Variants in EDIL3 observed in about 807,000 individuals in gnomAD.
EDIL3 encodes the protein EGF like and discoidin domains 3.
In EDIL3, 37 loss-of-function variants were observed where a neutral mutation model predicts 67.4. The observed-to-expected ratio is 0.55, with a 90% CI of 0.42 to 0.72. EDIL3 has a LOEUF of 0.72. Ranked by LOEUF, EDIL3 falls within the 30% of genes least tolerant of loss-of-function variation. The pLI is 0.00. For synonymous variants in EDIL3, 195 were observed against 196.3 expected (o/e 0.99, Z 0.05); for missense variants, 527 against 586.3 (o/e 0.90, Z 1.04).
intron 4 of EDIL3, among the ~76,000 whole-genome samples, chr5:84,157,743 T>TGGTCAAG (rs1748518906): frequency 1.4e-5 from 2 of 144,130 alleles, no homozygotes; most frequent in African/African-American, 5.1e-5. Context: ...AGAAGAAGAT[T>TGGTCAAG]TTTAATCTCT....
At chr5:84,324,995 ATATTTTCCAT>A (rs1212132407) in intron 1 of EDIL3, among the ~76,000 whole-genome samples, 4 of 151,812 alleles carry the variant, frequency 2.6e-5, no homozygotes, top group Non-Finnish European at 4.4e-5. Flanking sequence ...ACTAATACAA[ATATTTTCCAT>A]TATTTTCCAA....
chr5:84,186,787 C>T (rs1028318400), intron 3 of EDIL3, among the ~76,000 whole-genome samples: 1 of 151,918 alleles, frequency 6.6e-6, no homozygotes, highest in South Asian at 2.1e-4. Context: ...AGTTTAATAG[C>T]AGATCAAAGT....
Position 84,090,110 on chromosome 5 carries a change from G to A in EDIL3, c.651+16539C>T, listed in dbSNP as rs540150707. On this transcript the variant is annotated intron_variant, in intron 6 of 10. Transcript: ENST00000296591. Reference sequence around the variant, plus strand: ...ACTTAATTATTGAAGGCCTCATGTTGTAGGCAAAAATCCAATCCCTTGGAA... The same window carrying A: ...ACTTAATTATTGAAGGCCTCATGTTATAGGCAAAAATCCAATCCCTTGGAA... Among the ~76,000 whole-genome samples the A allele has an allele frequency of 9.2e-5, 14 of 152,212 alleles. No individual in the cohort carries two copies. In the South Asian group the frequency reaches 2.9e-3, roughly 32 times the overall value.
At chr5:83,968,182 A>G (rs1744729422) in intron 9 of EDIL3, among the ~76,000 whole-genome samples, 1 of 152,070 alleles carries the variant, frequency 6.6e-6, no homozygotes, top group Non-Finnish European at 1.5e-5. Context: ...GATGTTGGCT[A>G]CACTTGTAGT....
At chr5:84,175,668 C>T (rs1176734394) in intron 4 of EDIL3, among the ~76,000 whole-genome samples, 1 of 152,172 alleles carries the variant, frequency 6.6e-6, no homozygotes, top group Non-Finnish European at 1.5e-5. Flanking sequence ...GACGCTTCAT[C>T]AACTTACCAA....
chr5:83,941,749 TAGAA>T lies in EDIL3; in HGVS notation c.*1666_*1669del, dbSNP rs1444325258. On this transcript the variant is annotated 3_prime_UTR_variant, in exon 11 of 11. Transcript: ENST00000296591. ...ATAATTTCATAATAAGAACAAGAAG[TAGAA>T]AGCATATGGGCAAGGAACAAATATG... 1 of 151,990 alleles carries T rather than the reference TAGAA, an allele frequency of 6.6e-6. No individual in the cohort carries two copies. The highest frequency in any genetic ancestry group is 1.5e-5 in the Non-Finnish European group (1 of 67,900). 9.4% of individuals were successfully genotyped at this position (151,990 alleles called of 1,614,324 possible).
At chr5:83,954,358 G>C (rs1045325844) in intron 10 of EDIL3, among the ~76,000 whole-genome samples, 12 of 151,828 alleles carry the variant, frequency 7.9e-5, no homozygotes, top group African/African-American at 2.4e-4. Context: ...TGTAGCCTAG[G>C]GGGAGGTGCT....
At chr5:84,249,229 A>G (rs1744972268) in intron 2 of EDIL3, among the ~76,000 whole-genome samples, 1 of 152,086 alleles carries the variant, frequency 6.6e-6, no homozygotes, top group Non-Finnish European at 1.5e-5. Context: ...TTTAGTCTGC[A>G]ATAGATTGAA....
At chr5:84,196,573 G>C (rs1743710339) in intron 3 of EDIL3, among the ~76,000 whole-genome samples, 1 of 151,952 alleles carries the variant, frequency 6.6e-6, no homozygotes, top group Non-Finnish European at 1.5e-5. Context: ...TCCCCTGTTA[G>C]AATGTAATTG....
At chr5:84,027,332 G>A (rs904105078) in intron 9 of EDIL3, among the ~76,000 whole-genome samples, 3 of 152,150 alleles carry the variant, frequency 2.0e-5, no homozygotes, top group Non-Finnish European at 4.4e-5. Flanking sequence ...AATCTGTGGT[G>A]CATCACAAGT....
chr5:83,955,424 A>G (rs1233209531), intron 10 of EDIL3, among the ~76,000 whole-genome samples: 1 of 97,108 alleles, frequency 1.0e-5, no homozygotes, highest in Non-Finnish European at 2.2e-5. Context: ...TTTTTGCAGA[A>G]ACGTGCTAAC....
At chr5:84,377,255 G>A (rs1486152776) in intron 1 of EDIL3, among the ~76,000 whole-genome samples, 1 of 150,806 alleles carries the variant, frequency 6.6e-6, no homozygotes, top group African/African-American at 2.5e-5. Flanking sequence ...GGAGCTTGCA[G>A]TGAGTTGAGA....
chr5:84,096,783 C>T (rs1447958844), intron 6 of EDIL3, among the ~76,000 whole-genome samples: 1 of 152,182 alleles, frequency 6.6e-6, no homozygotes, highest in Non-Finnish European at 1.5e-5. Context: ...CCATCCAAAT[C>T]TCATCTTGTA....
chr5:84,247,500 C>A (rs1302228891), intron 2 of EDIL3, among the ~76,000 whole-genome samples: 1 of 152,078 alleles, frequency 6.6e-6, no homozygotes, highest in Non-Finnish European at 1.5e-5. Context: ...GTACAGTCAA[C>A]TTCTAGTTTT....
At chr5:84,108,739 T>A (rs1487579274) in intron 5 of EDIL3, among the ~76,000 whole-genome samples, 1 of 152,134 alleles carries the variant, frequency 6.6e-6, no homozygotes, top group African/African-American at 2.4e-5. Flanking sequence ...ATCAAAGGGG[T>A]CTCAAGCATC....
At chr5:84,029,182 G>A (rs1183051765) in intron 9 of EDIL3, among the ~76,000 whole-genome samples, 3 of 152,114 alleles carry the variant, frequency 2.0e-5, no homozygotes, top group Non-Finnish European at 4.4e-5. Context: ...GCATGAACCT[G>A]GGAGGTGGAG....
At chr5:84,106,576 T>C in intron 6 of EDIL3, 73 bp downstream of exon 6, 1 of 1,469,084 alleles carries the variant, frequency 6.8e-7, no homozygotes, top group Non-Finnish European at 9.0e-7. Flanking sequence ...TTCCCTTTTG[T>C]CTGCTTTTTA....
At chr5:84,217,142 A>C (rs1407267317) in intron 3 of EDIL3, among the ~76,000 whole-genome samples, 1 of 11,186 alleles carries the variant, frequency 8.9e-5, no homozygotes, top group African/African-American at 5.5e-4. Flanking sequence ...AGGACAGCCA[A>C]AAAAAAAAAA....
chr5:83,960,145 G>A (rs995930201), intron 10 of EDIL3, among the ~76,000 whole-genome samples: 1 of 150,790 alleles, frequency 6.6e-6, no homozygotes, highest in Non-Finnish European at 1.5e-5. Context: ...TGCCTAATTA[G>A]TTACAATATT....
Sources: gnomAD v4.1 joint callset for allele counts (sites outside exome capture counted in the v4.1 genomes callset) on GRCh38, gnomAD v4.1.1 for gene constraint, MANE v1.5 for transcripts, NCBI Gene and HGNC (gene_info 2026-07-23, HGNC 2026-07-21) for gene names.